The following THOC5 variants were observed in gnomAD, a reference collection of about 807,000 sequenced individuals.
THOC5 encodes Fms-interacting protein.
Under a neutral mutation model 92.9 loss-of-function variants are expected in THOC5, and 43 were observed. That is an observed-to-expected ratio of 0.46 (90% CI 0.36 to 0.60). THOC5 has a LOEUF of 0.60. Ranked by LOEUF, THOC5 falls within the 20% of genes least tolerant of loss-of-function variation. THOC5 has a pLI of 0.00. For missense variants in THOC5, 659 were observed against 849.4 expected (o/e 0.78, Z 2.79); for synonymous variants, 296 against 320.1 (o/e 0.92, Z 0.80).
intron 10 of THOC5, 25 bp downstream of exon 10, chr22:29,528,399 GCC>G: frequency 6.2e-7 from 1 of 1,613,940 alleles, no homozygotes. Context: ...GCTGCTTGAT[GCC>G]CCCACAAGAG....
chr22:29,539,069 C>G (rs2063822858), intron 6 of THOC5, among the ~76,000 whole-genome samples: 1 of 145,166 alleles, frequency 6.9e-6, no homozygotes, highest in African/African-American at 2.6e-5. Flanking sequence ...GAGATCACAC[C>G]ACCGCACTCC....
At position 29,520,997 on chromosome 22, in the gene THOC5, C is replaced by T; in HGVS notation, c.1277+1G>A. 1.2e-6 allele frequency: 2 copies of T among 1,613,282 alleles called. No homozygotes were observed. The highest frequency in any genetic ancestry group is 1.7e-6 in the Non-Finnish European group (2 of 1,179,262). The stretch of plus-strand genomic sequence containing the variant: ...CGGAGAGGAGGAAACTGCTGACTCA[C>T]CCAACTTTATCAAACTGATACTGAT... On this transcript the variant is annotated splice_donor_variant, in intron 13 of 19. Transcript: ENST00000490103. LOFTEE classifies it high-confidence loss of function.
intron 13 of THOC5, 119 bp from the exon 14 acceptor site, chr22:29,520,223 T>C: frequency 2.6e-6 from 2 of 759,440 alleles, no homozygotes; most frequent in South Asian, 2.1e-5. Flanking sequence ...GGTTTGGCCA[T>C]GTTCACAGCC....
rs770257554 is a variant in THOC5 at position 29,519,126 on chromosome 22, A to T, written c.1375-6T>A. ...TGGTCAGCAATCACTGTTTGCTGTG[A>T]GTGACAATGAGACACATACACGTGT... On this transcript the variant is annotated splice_region_variant and splice_polypyrimidine_tract_variant and intron_variant, in intron 14 of 19. Transcript: ENST00000490103. 14 of 1,594,224 alleles carry T rather than the reference A, an allele frequency of 8.8e-6. No homozygotes were observed. Among genetic ancestry groups the T allele is most frequent in the Non-Finnish European group, 1.2e-5 (14 of 1,165,484 alleles).
chr22:29,513,354 C>T (rs1272905592), intron 17 of THOC5, among the ~76,000 whole-genome samples: 1 of 130,894 alleles, frequency 7.6e-6, no homozygotes, highest in African/African-American at 2.8e-5. Context: ...AAGACTCCGT[C>T]TCAAAAAAAA....
chr22:29,524,076 T>A (rs965100250), intron 12 of THOC5, among the ~76,000 whole-genome samples: 1 of 152,218 alleles, frequency 6.6e-6, no homozygotes, highest in East Asian at 1.9e-4. Flanking sequence ...AGACAACACC[T>A]GAAGGCCTAA....
intron 14 of THOC5, 55 bp downstream of exon 14, chr22:29,519,953 A>C (rs2063407668): frequency 2.7e-6 from 4 of 1,481,832 alleles, no homozygotes; most frequent in Non-Finnish European, 3.7e-6. Context: ...TAGAGTCTAT[A>C]CAGGAAGAGA....
Position 29,521,256 on chromosome 22 carries a change from G to T in THOC5, c.1176-157C>A, listed in dbSNP as rs182233907. Reference sequence around the variant, plus strand: ...GGGCCAGACCGTTTATATGCTTGAGGTCATTGCATCCTTACAACCCTATGA... The same window carrying T: ...GGGCCAGACCGTTTATATGCTTGAGTTCATTGCATCCTTACAACCCTATGA... On this transcript the variant is annotated intron_variant, in intron 12 of 19. Coordinates refer to ENST00000490103, the MANE Select transcript of THOC5 (RefSeq NM_003678.5). Among the ~76,000 whole-genome samples the T allele has an allele frequency of 3.9e-5, 6 of 152,226 alleles. No homozygotes were observed. In the East Asian group the frequency reaches 1.2e-3, roughly 29 times the overall value.
At chr22:29,541,685 C>T (rs2063887051) in intron 5 of THOC5, among the ~76,000 whole-genome samples, 2 of 149,314 alleles carry the variant, frequency 1.3e-5, no homozygotes, top group African/African-American at 2.5e-5. Flanking sequence ...CACGGTGAAA[C>T]CCTGTCTCTA....
intron 19 of THOC5, among the ~76,000 whole-genome samples, chr22:29,510,456 C>T (rs985714519): frequency 6.6e-6 from 1 of 151,946 alleles, no homozygotes; most frequent in Non-Finnish European, 1.5e-5. Flanking sequence ...AAATTAGTTG[C>T]GTGTGGCGGT....
chr22:29,519,154 TC>T (rs761958116), intron 14 of THOC5, 34 bp from the exon 15 acceptor site: 4 of 1,452,764 alleles, frequency 2.8e-6, no homozygotes, highest in Admixed American at 1.8e-5. Context: ...ACACGTGTGC[TC>T]CCCCATCCCT....
chr22:29,543,006 AGAG>A, intron 4 of THOC5, 50 bp from the exon 5 acceptor site: 2 of 1,395,580 alleles, frequency 1.4e-6, no homozygotes, highest in Non-Finnish European at 2.0e-6. Flanking sequence ...AGGATGGAGC[AGAG>A]GAGAGGGTCA....
At chr22:29,525,190 C>T (rs907119122) in intron 12 of THOC5, among the ~76,000 whole-genome samples, 2 of 152,154 alleles carry the variant, frequency 1.3e-5, no homozygotes, top group Non-Finnish European at 2.9e-5. Context: ...GTAGGAGGAT[C>T]ACTACAGCCC....
At chr22:29,530,884 C>T (rs1434357441) in intron 8 of THOC5, among the ~76,000 whole-genome samples, 2 of 152,178 alleles carry the variant, frequency 1.3e-5, no homozygotes, top group Non-Finnish European at 2.9e-5. Flanking sequence ...AAACTTCCCC[C>T]AAGTGGCTGA....
At chr22:29,542,033 TCTTCC>T (rs1273508025) in intron 5 of THOC5, among the ~76,000 whole-genome samples, 6 of 151,672 alleles carry the variant, frequency 4.0e-5, no homozygotes, top group Admixed American at 2.6e-4. Context: ...CTTCCCCTTC[TCTTCC>T]CGTTTACTCC....
At chr22:29,521,942 T>G (rs1176959909) in intron 12 of THOC5, among the ~76,000 whole-genome samples, 1 of 152,110 alleles carries the variant, frequency 6.6e-6, no homozygotes, top group Admixed American at 6.5e-5. Context: ...AGGAACTCCA[T>G]GCTAGGACAG....
At chr22:29,529,292 C>T in intron 8 of THOC5, 53 bp from the exon 9 acceptor site, 1 of 1,594,434 alleles carries the variant, frequency 6.3e-7, no homozygotes, top group Non-Finnish European at 8.6e-7. Flanking sequence ...AGCTGCTAAG[C>T]AGTGTGAGTA....
intron 2 of THOC5, chr22:29,544,924 C>A: frequency 3.5e-6 from 1 of 286,756 alleles, no homozygotes; most frequent in South Asian, 3.2e-5. Flanking sequence ...GATAAATAAA[C>A]ATTTTATTTG....
chr22:29,519,156 C>G (rs983321198), intron 14 of THOC5, 36 bp from the exon 15 acceptor site: 1 of 1,404,338 alleles, frequency 7.1e-7, no homozygotes, highest in African/African-American at 1.4e-5. Context: ...ACGTGTGCTC[C>G]CCCATCCCTT....
Sources: gnomAD v4.1 joint callset for allele counts (sites outside exome capture counted in the v4.1 genomes callset) on GRCh38, gnomAD v4.1.1 for gene constraint, MANE v1.5 for transcripts, NCBI Gene and HGNC (gene_info 2026-07-23, HGNC 2026-07-21) for gene names.